The following ST6GAL1 variants were observed in gnomAD, a reference collection of about 807,000 sequenced individuals.
ST6GAL1 encodes beta-galactoside alpha-2,6-sialyltransferase 1.
ST6GAL1 carries 20 observed loss-of-function variants against 38.0 expected under a neutral mutation model. The observed-to-expected ratio is 0.53, with a 90% confidence interval of 0.37 to 0.77. ST6GAL1 has a LOEUF of 0.77. Among genes scored for constraint, ST6GAL1 ranks in the 30% least tolerant of loss-of-function variants. The probability of loss-of-function intolerance (pLI) is 0.00; values close to 1 mark genes in which losing one functional copy is unlikely to be tolerated. For synonymous variants in ST6GAL1, 196 were observed against 188.2 expected (o/e 1.04, Z -0.34); for missense variants, 432 against 496.4 (o/e 0.87, Z 1.23).
chr3:186,939,462 G>A (rs928395401), intron 1 of ST6GAL1, among the ~76,000 whole-genome samples: 2 of 152,128 alleles, frequency 1.3e-5, no homozygotes, highest in Admixed American at 1.3e-4. Flanking sequence ...CACTGAATTC[G>A]GAGTCAGGAA....
chr3:186,951,257 A>G (rs965989852), intron 1 of ST6GAL1, among the ~76,000 whole-genome samples: 2 of 152,074 alleles, frequency 1.3e-5, no homozygotes, highest in African/African-American at 2.4e-5. Context: ...GGGTTTCACC[A>G]TGTTGGTCAG....
chr3:187,054,623 C>T (rs4686846), intron 5 of ST6GAL1, among the ~76,000 whole-genome samples: 33,348 of 152,070 alleles, frequency 0.22, 3,922 homozygotes, highest in Admixed American at 0.32. Flanking sequence ...TATGTTGAAC[C>T]AGCCTTGCAT....
At chr3:187,001,049 A>G (rs1406930586) in intron 2 of ST6GAL1, among the ~76,000 whole-genome samples, 3 of 152,204 alleles carry the variant, frequency 2.0e-5, no homozygotes. Flanking sequence ...AAGGTGGGTT[A>G]CACAGCTTTT....
chr3:187,039,377 G>T (rs946788473), intron 3 of ST6GAL1, among the ~76,000 whole-genome samples: 2 of 152,226 alleles, frequency 1.3e-5, no homozygotes, highest in Non-Finnish European at 2.9e-5. Flanking sequence ...CAGGCACTGT[G>T]CTGGGTACTA....
chr3:187,001,829 G>T lies in ST6GAL1; in HGVS notation c.-182-36913G>T, dbSNP rs547855955. ...AAATTAGCCGGGTGTGGTGGCGCGCGCCTGTAATCCCAGCTACTCAGGAGG... is the reference window on the plus strand; with the variant it reads ...AAATTAGCCGGGTGTGGTGGCGCGCTCCTGTAATCCCAGCTACTCAGGAGG... On this transcript the variant is annotated intron_variant, in intron 2 of 7. Coordinates refer to ENST00000169298, the MANE Select transcript of ST6GAL1 (RefSeq NM_173216.2). Among the ~76,000 whole-genome samples, 136 of 151,926 alleles carry T rather than the reference G, an allele frequency of 9.0e-4. 4 individuals carry two copies. In the South Asian group the frequency reaches 0.026, roughly 29 times the overall value.
In ST6GAL1 at chr3:186,988,805, T is replaced by C. The variant is rs374806480; in HGVS notation, c.-183+24879T>C. ...GGTGTGTGCCTGTATTCCCAGCTACTAGGGAGGCTAAGGTGGAAGGATGGC... is the reference window on the plus strand; with the variant it reads ...GGTGTGTGCCTGTATTCCCAGCTACCAGGGAGGCTAAGGTGGAAGGATGGC... On this transcript the variant is annotated intron_variant, in intron 2 of 7. Transcript: ENST00000169298. Among the ~76,000 whole-genome samples the C allele has an allele frequency of 5.7e-4, 87 of 152,108 alleles. 3 individuals carry two copies. In the South Asian group the frequency reaches 0.017, roughly 30 times the overall value.
chr3:186,947,779 G>T (rs943496492), intron 1 of ST6GAL1, among the ~76,000 whole-genome samples: 1 of 152,176 alleles, frequency 6.6e-6, no homozygotes, highest in African/African-American at 2.4e-5. Context: ...TAGTTTTTAT[G>T]TTCAAATTAG....
intron 1 of ST6GAL1, among the ~76,000 whole-genome samples, chr3:186,963,494 C>A (rs1369305929): frequency 6.6e-6 from 1 of 152,204 alleles, no homozygotes; most frequent in African/African-American, 2.4e-5. Flanking sequence ...GAGACTTGGG[C>A]CCGATCTGTA....
At chr3:187,062,574 T>TCACACACACACACACACACACACACA (rs57175575) in intron 5 of ST6GAL1, among the ~76,000 whole-genome samples, 2 of 143,812 alleles carry the variant, frequency 1.4e-5, no homozygotes, top group Admixed American at 1.4e-4. Context: ...AATAAGCCAG[T>TCACACACACACACACACACACACACA]CACACACACA....
chr3:187,038,648 A>G (rs755910830), intron 2 of ST6GAL1, 94 bp from the exon 3 acceptor site: 1 of 152,160 alleles, frequency 6.6e-6, no homozygotes, highest in African/African-American at 2.4e-5. Context: ...GGTCTGCATA[A>G]GCACCTTTCC....
At chr3:186,946,516 A>G (rs958855066) in intron 1 of ST6GAL1, among the ~76,000 whole-genome samples, 1 of 152,040 alleles carries the variant, frequency 6.6e-6, no homozygotes, top group African/African-American at 2.4e-5. Context: ...AAGTGTTGGG[A>G]TTACAGGTCT....
intron 2 of ST6GAL1, among the ~76,000 whole-genome samples, chr3:187,013,131 T>C (rs1047219274): frequency 2.6e-5 from 4 of 152,246 alleles, no homozygotes; most frequent in African/African-American, 9.6e-5. Context: ...TAAGTGTTTC[T>C]TGAACACTGT....
chr3:186,954,521 TCTGACTGGCATGAGATAGTATC>T (rs1714684391), intron 1 of ST6GAL1, among the ~76,000 whole-genome samples: 1 of 152,226 alleles, frequency 6.6e-6, no homozygotes, highest in Admixed American at 6.5e-5. Context: ...TAATTGCCAT[TCTGACTGGCATGAGATAGTATC>T]TTTTTGTGGT....
intron 2 of ST6GAL1, among the ~76,000 whole-genome samples, chr3:187,004,018 G>T (rs1004554463): frequency 1.3e-5 from 2 of 152,184 alleles, no homozygotes; most frequent in African/African-American, 4.8e-5. Flanking sequence ...GCTGGGAGGT[G>T]TTTGGGTCAT....
At chr3:186,957,515 T>G (rs1714786734) in intron 1 of ST6GAL1, among the ~76,000 whole-genome samples, 1 of 151,842 alleles carries the variant, frequency 6.6e-6, no homozygotes, top group South Asian at 2.1e-4. Context: ...ATAGTAAGAC[T>G]CGCAGAAAAA....
At chr3:186,980,555 C>T (rs958896142) in intron 2 of ST6GAL1, among the ~76,000 whole-genome samples, 1 of 143,302 alleles carries the variant, frequency 7.0e-6, no homozygotes, top group African/African-American at 2.6e-5. Flanking sequence ...ATCAAGAGAT[C>T]GAGACCATCC....
chr3:187,065,175 T>G (rs920061580), intron 5 of ST6GAL1, among the ~76,000 whole-genome samples: 3 of 152,046 alleles, frequency 2.0e-5, no homozygotes, highest in Non-Finnish European at 4.4e-5. Flanking sequence ...ATTTTTTGTA[T>G]TTTTAGTAGA....
chr3:186,991,656 C>T lies in ST6GAL1; in HGVS notation c.-183+27730C>T, dbSNP rs115535099. 6.1e-3 allele frequency among the ~76,000 whole-genome samples: 923 copies of T among 152,276 alleles called. 9 individuals are homozygous for T. The highest frequency in any genetic ancestry group is 0.021 in the African/African-American group (878 of 41,546). ...GAGTCTCACCTGGAGGTGTGTGTTC[C>T]TGTGGCGTGGGTTCCTTGGGAGCGT... On this transcript the variant is annotated intron_variant, in intron 2 of 7. Transcript: ENST00000169298.
At chr3:187,031,347 C>T (rs1446661292) in intron 2 of ST6GAL1, among the ~76,000 whole-genome samples, 1 of 152,190 alleles carries the variant, frequency 6.6e-6, no homozygotes. Context: ...TTTATCTTCC[C>T]TGTCTCAGTT....
Sources: allele counts gnomAD v4.1 joint callset (sites outside exome capture counted in the v4.1 genomes callset), GRCh38; gene constraint gnomAD v4.1.1; transcripts MANE v1.5; gene names NCBI Gene and HGNC (gene_info 2026-07-23, HGNC 2026-07-21).